The following TP63 variants were observed in gnomAD, a reference collection of about 807,000 sequenced individuals.
The protein encoded by TP63 is tumor protein 63.
A neutral mutation model predicts 82.8 loss-of-function variants in TP63; 17 were observed. That is an observed-to-expected ratio of 0.21 (90% confidence interval 0.14 to 0.31). TP63 has a LOEUF of 0.31. Among genes scored for constraint, TP63 ranks in the 10% least tolerant of loss-of-function variants. The pLI, the probability that TP63 is intolerant of heterozygous loss-of-function variation, is 1.00. For synonymous variants in TP63, 330 were observed against 321.7 expected (o/e 1.03, Z -0.28); for missense variants, 648 against 895.3 (o/e 0.72, Z 3.52).
At chr3:189,878,163 G>A (rs1719447489) in intron 10 of TP63, among the ~76,000 whole-genome samples, 2 of 152,094 alleles carry the variant, frequency 1.3e-5, no homozygotes. Flanking sequence ...GGAGAAGCAG[G>A]CAGTATTTTC....
At chr3:189,788,983 C>T (rs1724851326) in intron 3 of TP63, among the ~76,000 whole-genome samples, 1 of 150,276 alleles carries the variant, frequency 6.7e-6, no homozygotes, top group South Asian at 2.1e-4. Flanking sequence ...ATCAGGATTC[C>T]TATTTCCCGT....
intron 10 of TP63, among the ~76,000 whole-genome samples, chr3:189,881,764 T>G (rs922700490): frequency 6.6e-6 from 1 of 152,208 alleles, no homozygotes; most frequent in Non-Finnish European, 1.5e-5. Context: ...TTAAAGTTTG[T>G]CCTAGGAAGC....
At chr3:189,835,255 A>G (rs1167314908) in intron 4 of TP63, among the ~76,000 whole-genome samples, 2 of 151,570 alleles carry the variant, frequency 1.3e-5, no homozygotes, top group Non-Finnish European at 2.9e-5. Context: ...GTTATATTTT[A>G]TAAAAATTAA....
chr3:189,784,112 T>A (rs1364780744), intron 3 of TP63, among the ~76,000 whole-genome samples: 5 of 152,076 alleles, frequency 3.3e-5, no homozygotes, highest in African/African-American at 1.2e-4. Context: ...TGTATTTTAC[T>A]TTTTTCTTCT....
chr3:189,652,597 T>C (rs1460817325), intron 1 of TP63, among the ~76,000 whole-genome samples: 1 of 146,818 alleles, frequency 6.8e-6, no homozygotes, highest in Non-Finnish European at 1.5e-5. Context: ...TGTTGAAAAG[T>C]CATGATTGTG....
At chr3:189,740,785 C>A (rs998993457) in intron 3 of TP63, among the ~76,000 whole-genome samples, 1 of 152,236 alleles carries the variant, frequency 6.6e-6, no homozygotes, top group Non-Finnish European at 1.5e-5. Flanking sequence ...CAGGCATGAG[C>A]CACCACACCT....
chr3:189,725,372 G>C (rs1252712340), intron 1 of TP63, among the ~76,000 whole-genome samples: 1 of 152,028 alleles, frequency 6.6e-6, no homozygotes, highest in African/African-American at 2.4e-5. Flanking sequence ...GGACTTATCG[G>C]GACTAGGAAT....
intron 1 of TP63, among the ~76,000 whole-genome samples, chr3:189,689,656 G>T (rs1270257472): frequency 6.6e-6 from 1 of 152,002 alleles, no homozygotes; most frequent in Non-Finnish European, 1.5e-5. Context: ...ATTCAAAAGG[G>T]TCATGCCTCA....
intron 10 of TP63, among the ~76,000 whole-genome samples, chr3:189,885,819 A>G (rs185795708): frequency 1.1e-4 from 17 of 152,322 alleles, no homozygotes; most frequent in African/African-American, 4.1e-4. Context: ...TCTCTCATAC[A>G]TCATGAACAT....
At chr3:189,741,398 G>T (rs1720976400) in intron 3 of TP63, among the ~76,000 whole-genome samples, 1 of 152,018 alleles carries the variant, frequency 6.6e-6, no homozygotes, top group South Asian at 2.1e-4. Context: ...GGTTTAGAAA[G>T]TAGGGAGTAG....
Position 189,808,382 on chromosome 3 carries a change from G to A in TP63, c.435G>A (p.Ala145=), listed in dbSNP as rs546908184. The part of the protein sequence containing the change: ...NTDHAQNSVT[A]PSPYAQPSST... ...ACCACGCGCAGAACAGCGTCACGGC[G>A]CCCTCGCCCTACGCACAGCCCAGCT... is the stretch of plus-strand genomic sequence containing the variant. The change falls in exon 4 of 14, where the codon GCG becomes GCA. Residue 145 remains alanine (A), a synonymous_variant. Coordinates refer to ENST00000264731, the MANE Select transcript of TP63 (RefSeq NM_003722.5). The A allele has an allele frequency of 1.2e-6, 2 of 1,613,972 alleles. No homozygotes were observed. Among genetic ancestry groups the A allele is most frequent in the Non-Finnish European group, 1.7e-6 (2 of 1,180,034 alleles).
chr3:189,614,934 A>G, the TP63 span, among the ~76,000 whole-genome samples: 1 of 152,184 alleles, frequency 6.6e-6, no homozygotes, highest in Non-Finnish European at 1.5e-5. Flanking sequence ...AGGACAGACA[A>G]TGGAATGCAT....
At chr3:189,706,181 A>T (rs749964649) in intron 1 of TP63, among the ~76,000 whole-genome samples, 1 of 152,194 alleles carries the variant, frequency 6.6e-6, no homozygotes, top group East Asian at 1.9e-4. Flanking sequence ...ACAGTATAAC[A>T]ATTATGACAA....
chr3:189,716,187 A>G (rs949010492), intron 1 of TP63, among the ~76,000 whole-genome samples: 8 of 152,194 alleles, frequency 5.3e-5, no homozygotes, highest in African/African-American at 1.9e-4. Context: ...TGCTCAATGC[A>G]TCCGTTACTG....
chr3:189,626,954 G>T (rs933532599), upstream of TP63, among the ~76,000 whole-genome samples: 2 of 151,176 alleles, frequency 1.3e-5, no homozygotes, highest in Admixed American at 6.6e-5. Flanking sequence ...GTGTTTTTTG[G>T]CTTTAGGTAG....
intron 4 of TP63, 139 bp downstream of exon 4, chr3:189,808,665 G>A: frequency 1.3e-6 from 2 of 1,494,184 alleles, no homozygotes; most frequent in Admixed American, 3.6e-5. Flanking sequence ...ATTTAATACT[G>A]AACCAGAGAG....
chr3:189,686,840 C>T (rs1425994513), intron 1 of TP63, among the ~76,000 whole-genome samples: 2 of 151,414 alleles, frequency 1.3e-5, no homozygotes, highest in Non-Finnish European at 2.9e-5. Context: ...AAGCGATTCT[C>T]CTGCCTCAGC....
intron 1 of TP63, among the ~76,000 whole-genome samples, chr3:189,703,429 T>TAGATAGATAGAG (rs1344978173): frequency 2.0e-5 from 3 of 150,288 alleles, no homozygotes; most frequent in Non-Finnish European, 3.0e-5. Context: ...CTGTCTAAAA[T>TAGATAGATAGAG]AGATAGATAG....
the TP63 span, among the ~76,000 whole-genome samples, chr3:189,618,450 C>A: frequency 6.6e-6 from 1 of 152,168 alleles, no homozygotes; most frequent in Non-Finnish European, 1.5e-5. Context: ...TTCTATCAAC[C>A]ATTCCCAGAA....
Sources: allele counts gnomAD v4.1 joint callset (sites outside exome capture counted in the v4.1 genomes callset), GRCh38; gene constraint gnomAD v4.1.1; transcripts MANE v1.5; gene names NCBI Gene and HGNC (gene_info 2026-07-23, HGNC 2026-07-21).